SLCO2A1: variants seen among roughly 807,000 people sequenced by gnomAD.
The protein encoded by SLCO2A1 is solute carrier organic anion transporter family member 2A1, also known as matrin F/G 1.
A neutral mutation model predicts 71.7 loss-of-function variants in SLCO2A1; 60 were observed. That is an observed-to-expected ratio of 0.84 (90% CI 0.68 to 1.04). SLCO2A1 has a LOEUF of 1.04. Ranked by LOEUF, SLCO2A1 falls within the 50% of genes least tolerant of loss-of-function variation. SLCO2A1 has a pLI of 0.00. For synonymous variants in SLCO2A1, 308 were observed against 326.7 expected (o/e 0.94, Z 0.62); for missense variants, 745 against 813.4 (o/e 0.92, Z 1.02).
At chr3:133,970,166 C>T (rs73861291) in intron 3 of SLCO2A1, among the ~76,000 whole-genome samples, 5,339 of 152,258 alleles carry the variant, frequency 0.035, 111 homozygotes, top group South Asian at 0.078. Flanking sequence ...TCCCTACCAC[C>T]GTGGGGACAA....
chr3:134,014,156 G>A (rs1935394617), intron 1 of SLCO2A1, among the ~76,000 whole-genome samples: 1 of 152,150 alleles, frequency 6.6e-6, no homozygotes, highest in Admixed American at 6.5e-5. Context: ...GGTTCCTACA[G>A]GATTCCAGTA....
chr3:134,008,487 G>T (rs1247832911), intron 1 of SLCO2A1, among the ~76,000 whole-genome samples: 1 of 152,116 alleles, frequency 6.6e-6, no homozygotes, highest in Non-Finnish European at 1.5e-5. Context: ...ACAGTGGATG[G>T]TCAATAAACT....
intron 1 of SLCO2A1, among the ~76,000 whole-genome samples, chr3:134,006,970 T>C (rs1231270454): frequency 6.6e-6 from 1 of 152,230 alleles, no homozygotes; most frequent in East Asian, 1.9e-4. Context: ...TTTCTCTCCA[T>C]CCTCAAAAAC....
chr3:134,022,340 T>C (rs1454455553), intron 1 of SLCO2A1, among the ~76,000 whole-genome samples: 1 of 152,160 alleles, frequency 6.6e-6, no homozygotes, highest in Non-Finnish European at 1.5e-5. Context: ...GCAAGGTGTA[T>C]AAGAAAAGTA....
At chr3:133,997,845 T>C (rs1935003753) in intron 1 of SLCO2A1, among the ~76,000 whole-genome samples, 1 of 152,278 alleles carries the variant, frequency 6.6e-6, no homozygotes, top group Admixed American at 6.5e-5. Context: ...CTTTGCCCAG[T>C]ATTACAGACT....
chr3:133,978,736 G>A (rs1934516606), intron 2 of SLCO2A1, among the ~76,000 whole-genome samples: 1 of 152,112 alleles, frequency 6.6e-6, no homozygotes, highest in African/African-American at 2.4e-5. Flanking sequence ...GCCAGCCCAG[G>A]AGCCCTGTCT....
At chr3:133,971,701 G>T (rs1428625561) in intron 3 of SLCO2A1, among the ~76,000 whole-genome samples, 1 of 152,134 alleles carries the variant, frequency 6.6e-6, no homozygotes, top group Admixed American at 6.5e-5. Flanking sequence ...CTCCCTGGGG[G>T]CTCATTTAAC....
At chr3:133,965,485 A>C (rs1934142383) in intron 3 of SLCO2A1, among the ~76,000 whole-genome samples, 1 of 152,252 alleles carries the variant, frequency 6.6e-6, no homozygotes, top group African/African-American at 2.4e-5. Context: ...GATGACACGA[A>C]GCTGGGAGGA....
At position 133,981,995 on chromosome 3, in the gene SLCO2A1, C is replaced by A. The variant is rs4634114; in HGVS notation, c.97-2377G>T. On this transcript the variant is annotated intron_variant, in intron 1 of 13. Coordinates refer to ENST00000310926, the MANE Select transcript of SLCO2A1 (RefSeq NM_005630.3). ...GTCTCAAAAAAAAAAAAAAAAAAAACAAAACAAGAAAAAGAAAAACAGTCA... is the reference window on the plus strand; with the variant it reads ...GTCTCAAAAAAAAAAAAAAAAAAAAAAAAACAAGAAAAAGAAAAACAGTCA... Among the ~76,000 whole-genome samples the A allele has an allele frequency of 3.9e-3, 455 of 116,130 alleles. 1 individual carries two copies. Among genetic ancestry groups the A allele is most frequent in the East Asian group, 0.022 (71 of 3,270 alleles). The allele number at this position is 116,130 out of a possible 152,430, so 76.2% of individuals were successfully genotyped here.
chr3:133,972,808 C>T (rs113161320), intron 3 of SLCO2A1, among the ~76,000 whole-genome samples: 89 of 152,168 alleles, frequency 5.8e-4, no homozygotes, highest in Non-Finnish European at 9.7e-4. Context: ...GAGGCATTTT[C>T]GGACAAAGAC....
At chr3:133,958,210 C>T (rs994765128) in intron 3 of SLCO2A1, among the ~76,000 whole-genome samples, 3 of 152,218 alleles carry the variant, frequency 2.0e-5, no homozygotes, top group Non-Finnish European at 4.4e-5. Flanking sequence ...GCAAGGCTAA[C>T]AGATGTTGGA....
Position 133,948,549 on chromosome 3 carries a change from G to C in SLCO2A1, c.1092C>G (p.Ala364=). Residue 364 remains alanine, a synonymous_variant, in exon 8 of 14, where the codon GCC becomes GCG. Transcript: ENST00000310926. ...EKQYGTSAAY[A]NFLIGAVNLP... ...CTCTGGGCTCACCAATGAGGAAGTT[G>C]GCATAGGCTGCTGAGGTGCCATACT... The C allele has an allele frequency of 6.2e-7, 1 of 1,613,804 alleles. No homozygotes were observed. The highest frequency in any genetic ancestry group is 8.5e-7 in the Non-Finnish European group (1 of 1,179,834).
At chr3:133,987,661 C>T (rs1381082623) in intron 1 of SLCO2A1, among the ~76,000 whole-genome samples, 1 of 152,200 alleles carries the variant, frequency 6.6e-6, no homozygotes, top group East Asian at 1.9e-4. Context: ...CTGTCACGGG[C>T]CATGGTCACT....
At chr3:133,950,736 AG>A (rs1191398193) in intron 6 of SLCO2A1, among the ~76,000 whole-genome samples, 1 of 152,186 alleles carries the variant, frequency 6.6e-6, no homozygotes, top group African/African-American at 2.4e-5. Context: ...CGTGACTGGA[AG>A]ATGCTTGGAA....
Position 133,942,571 on chromosome 3 carries a change from C to A in SLCO2A1, c.1625+34G>T, listed in dbSNP as rs199748649. On this transcript the variant is annotated intron_variant, in intron 11 of 13. Transcript: ENST00000310926. ...AAAGGGAGATGTGGGGAAGGAGAAG[C>A]CACGCCCCAGACTCACAGAGGTTTG... is the stretch of plus-strand genomic sequence containing the variant. 347 of 1,567,272 alleles carry A rather than the reference C, an allele frequency of 2.2e-4. 2 individuals carry two copies. In the African/African-American group the frequency reaches 4.5e-3, roughly 20 times the overall value.
intron 1 of SLCO2A1, among the ~76,000 whole-genome samples, chr3:134,009,430 G>A (rs1403602884): frequency 3.9e-5 from 6 of 152,210 alleles, no homozygotes; most frequent in African/African-American, 1.2e-4. Flanking sequence ...ATAGATGGAT[G>A]TCCCATGATT....
In SLCO2A1 at chr3:133,947,441, A is replaced by T. The variant is rs1358187711; in HGVS notation, c.1110T>A (p.Ala370=). 1 of 1,611,678 alleles carries T rather than the reference A, an allele frequency of 6.2e-7. No individual in the cohort carries two copies. Among genetic ancestry groups the T allele is most frequent in the African/African-American group, 1.3e-5 (1 of 74,860 alleles). ...CCAAGGCTGCAGCAGGGAGGTTCAC[A>T]GCACCTATAAGTGGAAAGAAGGAGG... ...SAAYANFLIG[A]VNLPAAALGM... is the part of the protein sequence containing the mutation. The change falls in exon 9 of 14, where the codon GCT becomes GCA. Residue 370 remains alanine, a synonymous_variant. Transcript: ENST00000310926.
At chr3:133,980,192 T>G (rs1934557501) in intron 1 of SLCO2A1, among the ~76,000 whole-genome samples, 1 of 152,212 alleles carries the variant, frequency 6.6e-6, no homozygotes, top group Non-Finnish European at 1.5e-5. Context: ...AGCACCTGGT[T>G]TGAATGAATG....
chr3:133,979,044 G>T (rs985400869), intron 2 of SLCO2A1, among the ~76,000 whole-genome samples: 1 of 152,146 alleles, frequency 6.6e-6, no homozygotes, highest in African/African-American at 2.4e-5. Context: ...GCATGCCTGG[G>T]GCTTATCCTC....
Sources: allele counts gnomAD v4.1 joint callset (sites outside exome capture counted in the v4.1 genomes callset), GRCh38; gene constraint gnomAD v4.1.1; transcripts MANE v1.5; gene names NCBI Gene and HGNC (gene_info 2026-07-23, HGNC 2026-07-21).